MED13L: variants seen among roughly 807,000 people sequenced by gnomAD.
MED13L encodes mediator of RNA polymerase II transcription subunit 13-like.
Under a neutral mutation model 220.9 loss-of-function variants are expected in MED13L, and 7 were observed. The ratio of observed to expected loss-of-function variants is 0.03; its 90% CI spans 0.02 to 0.06. The LOEUF (loss-of-function observed/expected upper bound fraction) is 0.06, where lower values mean the gene tolerates loss of function less well. Among genes scored for constraint, MED13L ranks in the 10% least tolerant of loss-of-function variants. The pLI is 1.00. For missense variants in MED13L, 1,965 were observed against 2,760.5 expected, an observed-to-expected ratio of 0.71 and a Z score of 6.46; for synonymous variants, 1,011 against 1,015.2, an observed-to-expected ratio of 1.00 and a Z score of 0.08.
intron 2 of MED13L, among the ~76,000 whole-genome samples, chr12:116,150,369 C>G (rs1481975829): frequency 1.3e-5 from 2 of 152,214 alleles, no homozygotes; most frequent in East Asian, 1.9e-4. Flanking sequence ...TCTTGGAAAG[C>G]AAATCCAAGA....
chr12:116,276,481 C>A, intron 1 of MED13L: 1 of 1,288,324 alleles, frequency 7.8e-7, no homozygotes, highest in Non-Finnish European at 1.0e-6. Flanking sequence ...TAGTAAGCCC[C>A]GAGAGGCAGG....
intron 14 of MED13L, among the ~76,000 whole-genome samples, chr12:115,999,301 G>T (rs980360184): frequency 2.0e-5 from 3 of 151,766 alleles, no homozygotes; most frequent in African/African-American, 4.8e-5. Flanking sequence ...TGAGGCACAA[G>T]AATCTCTTCA....
intron 6 of MED13L, 148 bp downstream of exon 6, chr12:116,019,630 T>C: frequency 9.0e-7 from 1 of 1,116,260 alleles, no homozygotes; most frequent in Non-Finnish European, 1.3e-6. Context: ...TCAGGCAAGA[T>C]AACTACTCAG....
At chr12:116,085,962 T>C (rs1871642161) in intron 4 of MED13L, among the ~76,000 whole-genome samples, 1 of 152,036 alleles carries the variant, frequency 6.6e-6, no homozygotes, top group Non-Finnish European at 1.5e-5. Context: ...AATGAGAAAA[T>C]GAGTTTAGAC....
intron 11 of MED13L, 114 bp downstream of exon 11, chr12:116,007,297 A>T: frequency 1.1e-6 from 1 of 920,162 alleles, no homozygotes; most frequent in Non-Finnish European, 1.8e-6. Flanking sequence ...ATGGGGACAG[A>T]GCAATCAGGC....
chr12:115,966,901 G>A (rs917050965), intron 28 of MED13L, among the ~76,000 whole-genome samples: 1 of 152,142 alleles, frequency 6.6e-6, no homozygotes, highest in African/African-American at 2.4e-5. Flanking sequence ...GCTGGGTGCG[G>A]TGGCTCACAC....
Position 115,977,694 on chromosome 12 carries a change from C to T in MED13L, c.5365-1956G>A, listed in dbSNP as rs1877029788. 2.0e-5 allele frequency among the ~76,000 whole-genome samples: 3 copies of T among 152,040 alleles called. No homozygotes were observed. In the South Asian group the frequency reaches 6.2e-4, roughly 32 times the overall value. On this transcript the variant is annotated intron_variant, in intron 23 of 30. Coordinates refer to ENST00000281928, the MANE Select transcript of MED13L (RefSeq NM_015335.5). Reference sequence around the variant, plus strand: ...AATCATTATGCTAACTGGAAGAAGCCAGACATAAAAGATCGCATATGGCCA... The same window carrying T: ...AATCATTATGCTAACTGGAAGAAGCTAGACATAAAAGATCGCATATGGCCA...
chr12:116,022,839 A>C (rs1488073169), intron 4 of MED13L, among the ~76,000 whole-genome samples: 1 of 152,226 alleles, frequency 6.6e-6, no homozygotes, highest in Admixed American at 6.5e-5. Flanking sequence ...AAATGTTTCC[A>C]GTTTCATTTG....
At position 116,119,809 on chromosome 12, in the gene MED13L, T is replaced by TA. The variant is rs57622950; in HGVS notation, c.311-8298dup. Among the ~76,000 whole-genome samples, 140 of 38,790 alleles carry TA rather than the reference T, an allele frequency of 3.6e-3. 2 individuals are homozygous for TA. Among genetic ancestry groups the TA allele is most frequent in the East Asian group, 4.9e-3 (7 of 1,436 alleles). The allele number at this position is 38,790 out of a possible 152,430, so 25.4% of individuals were successfully genotyped here. On this transcript the variant is annotated intron_variant, in intron 2 of 30. Coordinates refer to ENST00000281928, the MANE Select transcript of MED13L (RefSeq NM_015335.5). ...GCAAGAGAGAAAGACCCCATATCTT[T>TA]AAAAAAAAAAAAAAAAAAAAAAAAA...
At chr12:115,986,148 T>G (rs1877674299) in intron 19 of MED13L, 118 bp downstream of exon 19, 11 of 1,064,224 alleles carry the variant, frequency 1.0e-5, no homozygotes, top group Non-Finnish European at 1.4e-5. Context: ...TTCATCCACC[T>G]GTTTGCAAAT....
chr12:115,999,172 G>T (rs929580894), intron 14 of MED13L, among the ~76,000 whole-genome samples: 1 of 152,172 alleles, frequency 6.6e-6, no homozygotes, highest in African/African-American at 2.4e-5. Context: ...CAGTACTTTA[G>T]GAGGCCAAGG....
chr12:116,276,349 T>TGC (rs1555229952), intron 1 of MED13L: 37 of 646,320 alleles, frequency 5.7e-5, no homozygotes, highest in African/African-American at 1.2e-4. Context: ...TGTGTGTGTG[T>TGC]GTGCGGATTC....
Position 116,204,211 on chromosome 12 carries a change from G to C in MED13L, c.310+33257C>G, listed in dbSNP as rs578102153. Among the ~76,000 whole-genome samples, 4 of 152,250 alleles carry C rather than the reference G, an allele frequency of 2.6e-5. No homozygotes were observed. The South Asian group carries it at 6.2e-4, about 24-fold the overall frequency. The stretch of plus-strand genomic sequence containing the variant: ...ACTTTTGAGAGAGAACAAAATTCTA[G>C]ATTACGGACCATAATCTATCAATCT... On this transcript the variant is annotated intron_variant, in intron 2 of 30. Coordinates refer to ENST00000281928, the MANE Select transcript of MED13L (RefSeq NM_015335.5).
At position 115,975,110 on chromosome 12, in the gene MED13L, A is replaced by G. The variant is rs1876845572; in HGVS notation, c.5731+61T>C. The G allele has an allele frequency of 3.3e-6, 5 of 1,513,120 alleles. No individual in the cohort carries two copies. In the Admixed American group the frequency reaches 8.4e-5, roughly 25 times the overall value. The allele number at this position is 1,513,120 out of a possible 1,614,324, so 93.7% of individuals were successfully genotyped here. ...AACATTTTCTCCCTTAGCTCAGTTAATGACAATAGCTGAGCCCTTTTCCTC... is the reference window on the plus strand; with the variant it reads ...AACATTTTCTCCCTTAGCTCAGTTAGTGACAATAGCTGAGCCCTTTTCCTC... On this transcript the variant is annotated intron_variant, in intron 25 of 30. Coordinates refer to ENST00000281928, the MANE Select transcript of MED13L (RefSeq NM_015335.5).
intron 2 of MED13L, among the ~76,000 whole-genome samples, chr12:116,194,588 C>T (rs976850754): frequency 6.6e-6 from 1 of 152,034 alleles, no homozygotes; most frequent in Admixed American, 6.6e-5. Flanking sequence ...AAAAGCATCA[C>T]GAAAATATTA....
intron 4 of MED13L, among the ~76,000 whole-genome samples, chr12:116,071,081 G>A (rs1870333717): frequency 6.6e-6 from 1 of 151,900 alleles, no homozygotes; most frequent in Non-Finnish European, 1.5e-5. Context: ...AATGTTCATT[G>A]AAGAAAACTG....
intron 2 of MED13L, among the ~76,000 whole-genome samples, chr12:116,168,241 GAACA>G (rs756021876): frequency 2.7e-5 from 4 of 149,234 alleles, no homozygotes; most frequent in African/African-American, 9.9e-5. Flanking sequence ...TTAATAATGA[GAACA>G]AACAGAGAAG....
intron 2 of MED13L, among the ~76,000 whole-genome samples, chr12:116,211,812 T>C (rs938479607): frequency 1.3e-5 from 2 of 152,210 alleles, no homozygotes; most frequent in African/African-American, 4.8e-5. Context: ...GCTGCCTGTA[T>C]CATTTTAATC....
At chr12:116,041,453 G>T (rs560605625) in intron 4 of MED13L, among the ~76,000 whole-genome samples, 1 of 152,304 alleles carries the variant, frequency 6.6e-6, no homozygotes, top group South Asian at 2.1e-4. Context: ...CAGGCCCGAA[G>T]AGATCTGTTC....
Sources: allele counts gnomAD v4.1 joint callset (sites outside exome capture counted in the v4.1 genomes callset), GRCh38; gene constraint gnomAD v4.1.1; transcripts MANE v1.5; gene names NCBI Gene and HGNC (gene_info 2026-07-23, HGNC 2026-07-21).